CROCC: variants seen among roughly 807,000 people sequenced by gnomAD.
CROCC encodes the protein rootletin.
Under a neutral mutation model 245.2 loss-of-function variants are expected in CROCC, and 180 were observed. The ratio of observed to expected loss-of-function variants is 0.73; its 90% CI spans 0.65 to 0.83. The LOEUF (loss-of-function observed/expected upper bound fraction) is 0.83. Ranked by LOEUF, CROCC falls within the 40% of genes least tolerant of loss-of-function variation. The probability of loss-of-function intolerance (pLI) is 0.00; values close to 1 mark genes in which losing one functional copy is unlikely to be tolerated. For missense variants in CROCC, 2,688 were observed against 2,779.4 expected (o/e 0.97, Z 0.74); for synonymous variants, 1,205 against 1,241.6 (o/e 0.97, Z 0.62).
At position 16,971,513 on chromosome 1, in the gene CROCC, G is replaced by A. The variant is rs1278792577; in HGVS notation, c.5833G>A (p.Val1945Met). Residue 1945 changes from valine (V) to methionine (M), a missense_variant, in exon 36 of 37, where the codon GTG (valine) becomes ATG (methionine). By Grantham distance (21) the Val-to-Met change is conservative. Around this residue, in one of 9 missense-constraint regions of CROCC, gnomAD observed 1,218 missense variants for 1,286.3 expected, o/e 0.95. Transcript: ENST00000375541. ...GAGCCACAGCCCGGCCCAGCTGGAG[G>A]TGGATGCGCAGCAGCAGCAGCTGGA... ...EQSHSPAQLE[V>M]DAQQQQLELQ... is the part of the protein sequence containing the mutation. 1 of 1,537,020 alleles carries A rather than the reference G, an allele frequency of 6.5e-7. No individual in the cohort carries two copies. The highest frequency in any genetic ancestry group is 8.7e-7 in the Non-Finnish European group (1 of 1,146,418).
At chr1:16,937,570 G>A in intron 9 of CROCC, 71 bp from the exon 10 acceptor site, 5 of 1,315,038 alleles carry the variant, frequency 3.8e-6, no homozygotes, top group Admixed American at 1.8e-5. Flanking sequence ...GAAGCATGGT[G>A]GACACAGAGC....
At chr1:16,965,966 G>T (rs766288255) in intron 28 of CROCC, 33 bp from the exon 29 acceptor site, 1 of 1,606,680 alleles carries the variant, frequency 6.2e-7, no homozygotes, top group Non-Finnish European at 8.5e-7. Context: ...CAGAGCAGGG[G>T]TCTGTCTTTG....
chr1:16,948,243 G>A (rs1170078693), intron 17 of CROCC, 88 bp from the exon 18 acceptor site: 1 of 1,447,480 alleles, frequency 6.9e-7, no homozygotes, highest in Non-Finnish European at 9.1e-7. Context: ...CTTCTGCCAG[G>A]ACTGGGTTAG....
At chr1:16,942,832 G>A (rs74058317) in intron 13 of CROCC, among the ~76,000 whole-genome samples, 9,578 of 149,918 alleles carry the variant, frequency 0.064, no homozygotes, top group African/African-American at 0.07. Flanking sequence ...TCGACTGAGC[G>A]AGGTGGCTCA....
Position 16,924,305 on chromosome 1 carries a change from T to G in CROCC, c.197-20T>G. 5 of 1,607,066 alleles carry G rather than the reference T, an allele frequency of 3.1e-6. No individual in the cohort carries two copies. The highest frequency in any genetic ancestry group is 4.2e-6 in the Non-Finnish European group (5 of 1,176,734). Reference sequence around the variant, plus strand: ...CCACTGGACCCAGAAGCCAACCATGTGCCCACTGTCCCTTGCCAGTCCTGC... The same window carrying G: ...CCACTGGACCCAGAAGCCAACCATGGGCCCACTGTCCCTTGCCAGTCCTGC... On this transcript the variant is annotated intron_variant, in intron 2 of 36. Coordinates refer to ENST00000375541, the MANE Select transcript of CROCC (RefSeq NM_014675.5).
chr1:16,957,998 C>A (rs889799290), intron 25 of CROCC, among the ~76,000 whole-genome samples: 5 of 148,664 alleles, frequency 3.4e-5, no homozygotes, highest in East Asian at 1.9e-4. Flanking sequence ...GGCAGTACCC[C>A]TCCCTGCTCC....
At chr1:16,946,554 G>A (rs149714333) in intron 16 of CROCC, 149 bp downstream of exon 16, 53,150 of 1,270,684 alleles carry the variant, frequency 0.042, 1 homozygote, top group Middle Eastern at 0.062. Context: ...CTGTCTGTCT[G>A]TCTATCCCCT....
In CROCC at chr1:16,966,704, ACT is replaced by A. The variant is rs1422062186; in HGVS notation, c.4860+136_4860+137del. 14 of 1,017,982 alleles carry A rather than the reference ACT, an allele frequency of 1.4e-5. No homozygotes were observed. Among genetic ancestry groups the A allele is most frequent in the Middle Eastern group, 3.1e-4 (1 of 3,256 alleles). 63.1% of individuals were successfully genotyped at this position (1,017,982 alleles called of 1,614,324 possible). A position where few individuals can be genotyped will look rare whatever the true frequency, so the allele number is the denominator to read the frequency against. ...AACCCACTGAGGTGACCAGCCTGTG[ACT>A]CTGTGAAACCATGTTCAGACTCCAT... On this transcript the variant is annotated intron_variant, in intron 30 of 36. Transcript: ENST00000375541. This position sits in a 1 kb window ranked among gnomAD's most constrained non-coding sequence, Gnocchi z 4.8.
chr1:16,936,826 G>A lies in CROCC; in HGVS notation c.1146G>A (p.Ala382=), dbSNP rs374760999. Reference sequence around the variant, plus strand: ...AGGTGCTCCGCGAGAAGGACCTGGCGCAGCAGCAGATGCAAAGCGACCTGG... The same window carrying A: ...AGGTGCTCCGCGAGAAGGACCTGGCACAGCAGCAGATGCAAAGCGACCTGG... ...RDKVLREKDL[A]QQQMQSDLDK... Residue 382 remains alanine, a synonymous_variant, in exon 9 of 37, where the codon GCG becomes GCA. Coordinates refer to ENST00000375541, the MANE Select transcript of CROCC (RefSeq NM_014675.5). The A allele has an allele frequency of 4.1e-5, 66 of 1,612,314 alleles. No homozygotes were observed. The highest frequency in any genetic ancestry group is 1.9e-4 in the Middle Eastern group (1 of 5,236).
At position 16,966,525 on chromosome 1, in the gene CROCC, T is replaced by C; in HGVS notation, c.4814T>C (p.Leu1605Pro). Residue 1605 changes from leucine (L) to proline (P), a missense_variant, in exon 30 of 37, where the codon CTG (leucine) becomes CCG (proline). Physicochemically the swap from Leu to Pro is moderately conservative, Grantham distance 98. Transcript: ENST00000375541. This position sits in a 1 kb window ranked among gnomAD's most constrained non-coding sequence, Gnocchi z 4.8. ...RRATLDQVATLERSLQATESE... is the reference protein window; with the variant it reads ...RRATLDQVATPERSLQATESE... ...GCCACGCTGGACCAGGTGGCCACAC[T>C]GGAGAGGAGCCTGCAGGCCACCGAG... is the stretch of plus-strand genomic sequence containing the variant. 6.6e-7 allele frequency: 1 copy of C among 1,518,404 alleles called. No individual in the cohort carries two copies. Among genetic ancestry groups the C allele is most frequent in the Non-Finnish European group, 8.8e-7 (1 of 1,136,232 alleles). The allele number at this position is 1,518,404 out of a possible 1,614,324, so 94.1% of individuals were successfully genotyped here.
chr1:16,932,571 T>C (rs2075701585), intron 8 of CROCC, among the ~76,000 whole-genome samples: 1 of 152,142 alleles, frequency 6.6e-6, no homozygotes, highest in Non-Finnish European at 1.5e-5. Flanking sequence ...TTTGTGGAGA[T>C]GGAATTTGCA....
At chr1:16,920,269 G>T (rs1269680449), upstream of CROCC, among the ~76,000 whole-genome samples, 1 of 152,206 alleles carries the variant, frequency 6.6e-6, no homozygotes, top group African/African-American at 2.4e-5. Context: ...AATAGAGACG[G>T]GGTTTCACCA....
At chr1:16,972,243 T>G in intron 36 of CROCC, 117 bp from the exon 37 acceptor site, 6 of 823,094 alleles carry the variant, frequency 7.3e-6, no homozygotes, top group African/African-American at 1.7e-5. Flanking sequence ...TGGCTCTCAG[T>G]GAGACCAGAC....
At chr1:16,933,692 C>T (rs1196162864) in intron 8 of CROCC, among the ~76,000 whole-genome samples, 10 of 152,226 alleles carry the variant, frequency 6.6e-5, no homozygotes, top group African/African-American at 9.6e-5. Flanking sequence ...CAGCCCCCTG[C>T]GTAGCTGGGA....
Position 16,936,812 on chromosome 1 carries a change from G to A in CROCC, c.1132G>A (p.Glu378Lys), listed in dbSNP as rs541518963. The change falls in exon 9 of 37, where the codon GAG becomes AAG. Residue 378 changes from glutamate to lysine, a missense_variant. By Grantham distance (56) the Glu-to-Lys change is moderately conservative. Coordinates refer to ENST00000375541, the MANE Select transcript of CROCC (RefSeq NM_014675.5). ...GCAGCTGCGGGACAAGGTGCTCCGCGAGAAGGACCTGGCGCAGCAGCAGAT... is the reference window on the plus strand; with the variant it reads ...GCAGCTGCGGGACAAGGTGCTCCGCAAGAAGGACCTGGCGCAGCAGCAGAT... Reference protein sequence around the residue: ...EEQLRDKVLREKDLAQQQMQS... With the variant: ...EEQLRDKVLRKKDLAQQQMQS... 6.4e-5 allele frequency: 103 copies of A among 1,612,256 alleles called. No homozygotes were observed. Among genetic ancestry groups the A allele is most frequent in the East Asian group, 4.2e-4 (19 of 44,854 alleles).
chr1:16,962,706 G>A lies in CROCC; in HGVS notation c.4405+1576G>A, dbSNP rs760978185. ...CTAATTTTTGTGTATGTGTGTGTGT[G>A]TATATAAATATACATATATATATAT... On this transcript the variant is annotated intron_variant, in intron 27 of 36. Transcript: ENST00000375541. 2.0e-5 allele frequency among the ~76,000 whole-genome samples: 3 copies of A among 149,298 alleles called. No homozygotes were observed. The East Asian group carries it at 6.0e-4, about 30-fold the overall frequency.
intron 33 of CROCC, 108 bp from the exon 34 acceptor site, chr1:16,970,145 G>A: frequency 3.2e-6 from 4 of 1,241,406 alleles, no homozygotes; most frequent in Non-Finnish European, 4.4e-6. Context: ...TCTGATGTGG[G>A]CCTCACCGTC....
At position 16,946,925 on chromosome 1, in the gene CROCC, G is replaced by A. The variant is rs1325945859; in HGVS notation, c.2448G>A (p.Glu816=). The change falls in exon 17 of 37, where the codon GAG becomes GAA. Residue 816 remains glutamate (E), a synonymous_variant. Transcript: ENST00000375541. ...TACGAGTGGCGGAGCAGGCCCAGGA[G>A]GCATTGGAGCAGCAGCTCCCCACGC... ...GSLRVAEQAQ[E]ALEQQLPTLR... is the part of the protein sequence containing the mutation. 1 of 1,563,552 alleles carries A rather than the reference G, an allele frequency of 6.4e-7. No individual in the cohort carries two copies. Among genetic ancestry groups the A allele is most frequent in the Non-Finnish European group, 8.7e-7 (1 of 1,154,556 alleles).
At chr1:16,935,943 A>C (rs541778273) in intron 8 of CROCC, among the ~76,000 whole-genome samples, 9 of 152,370 alleles carry the variant, frequency 5.9e-5, no homozygotes, top group East Asian at 3.9e-4. Context: ...GGTCCTATGC[A>C]TGCATAGTTT....
Sources: allele counts gnomAD v4.1 joint callset (sites outside exome capture counted in the v4.1 genomes callset), GRCh38; gene constraint gnomAD v4.1.1; regional missense constraint gnomAD v4.1.1; non-coding constraint Gnocchi (gnomAD v3.1); transcripts MANE v1.5; gene names NCBI Gene and HGNC (gene_info 2026-07-23, HGNC 2026-07-21).